Variants in RIMKLA observed in about 807,000 individuals in gnomAD.
RIMKLA encodes the protein ribosomal modification protein rimK like family member A.
Under a neutral mutation model 32.7 loss-of-function variants are expected in RIMKLA, and 14 were observed. The ratio of observed to expected loss-of-function variants is 0.43; its 90% CI spans 0.28 to 0.67. RIMKLA has a LOEUF of 0.67. Ranked by LOEUF, RIMKLA falls within the 30% of genes least tolerant of loss-of-function variation. The pLI is 0.18. For missense variants in RIMKLA, 410 were observed against 519.0 expected (o/e 0.79, Z 2.04); for synonymous variants, 176 against 204.1 (o/e 0.86, Z 1.18).
intron 4 of RIMKLA, chr1:42,412,475 C>A: frequency 2.9e-6 from 1 of 349,338 alleles, no homozygotes; most frequent in Non-Finnish European, 5.6e-6. Flanking sequence ...GCCATGATGC[C>A]AGCTGAGGTT....
At chr1:42,394,251 G>T (rs1643023363) in intron 1 of RIMKLA, among the ~76,000 whole-genome samples, 1 of 152,142 alleles carries the variant, frequency 6.6e-6, no homozygotes, top group Non-Finnish European at 1.5e-5. Context: ...TAATTTTTCT[G>T]CTTGTTTTGT....
intron 1 of RIMKLA, among the ~76,000 whole-genome samples, chr1:42,384,633 T>G (rs926356244): frequency 3.0e-5 from 1 of 32,824 alleles, no homozygotes; most frequent in Non-Finnish European, 6.9e-5. Flanking sequence ...TATGTGTGTG[T>G]GTATATATAT....
At chr1:42,392,372 C>T (rs995348937) in intron 1 of RIMKLA, among the ~76,000 whole-genome samples, 6 of 152,198 alleles carry the variant, frequency 3.9e-5, no homozygotes, top group African/African-American at 1.4e-4. Context: ...GCATTAATAA[C>T]AACTGTGTGT....
At chr1:42,394,998 C>A (rs1487233405) in intron 1 of RIMKLA, among the ~76,000 whole-genome samples, 2 of 152,194 alleles carry the variant, frequency 1.3e-5, no homozygotes, top group African/African-American at 4.8e-5. Flanking sequence ...CTTGGCCTCC[C>A]AAGGTGCTGG....
intron 1 of RIMKLA, among the ~76,000 whole-genome samples, chr1:42,381,519 G>GT (rs549363936): frequency 2.6e-5 from 4 of 152,150 alleles, no homozygotes; most frequent in Admixed American, 1.3e-4. Flanking sequence ...TTTTAAAAAA[G>GT]TTTTTTGGGA....
At chr1:42,385,737 T>TTCCTTC in intron 1 of RIMKLA, among the ~76,000 whole-genome samples, 1 of 90,558 alleles carries the variant, frequency 1.1e-5, no homozygotes, top group African/African-American at 5.6e-5. Context: ...CTTTCTTTCT[T>TTCCTTC]TCTTTCTTTC....
chr1:42,407,637 G>A (rs1165347497), intron 3 of RIMKLA, among the ~76,000 whole-genome samples: 1 of 152,132 alleles, frequency 6.6e-6, no homozygotes, highest in South Asian at 2.1e-4. Flanking sequence ...CTCACCATGT[G>A]CGTGAAGGTT....
At chr1:42,397,423 T>C (rs1643056899) in intron 1 of RIMKLA, among the ~76,000 whole-genome samples, 1 of 152,198 alleles carries the variant, frequency 6.6e-6, no homozygotes, top group Admixed American at 6.5e-5. Context: ...CTGTAGACTG[T>C]GTTTTAAAGG....
chr1:42,409,754 CA>C (rs1643181174), intron 3 of RIMKLA, among the ~76,000 whole-genome samples: 1 of 152,056 alleles, frequency 6.6e-6, no homozygotes, highest in Admixed American at 6.6e-5. Context: ...TAAGTCATTT[CA>C]AAAAGAGTGA....
intron 3 of RIMKLA, among the ~76,000 whole-genome samples, chr1:42,407,208 A>G (rs908453686): frequency 2.0e-5 from 3 of 152,202 alleles, no homozygotes; most frequent in African/African-American, 7.2e-5. Flanking sequence ...ACCCAGCCGT[A>G]TAATGTAGAT....
chr1:42,405,950 C>T lies in RIMKLA; in HGVS notation c.481+1353C>T, dbSNP rs558266313. Among the ~76,000 whole-genome samples, 9 of 152,220 alleles carry T rather than the reference C, an allele frequency of 5.9e-5. 1 individual carries two copies. The highest frequency in any genetic ancestry group is 2.2e-4 in the African/African-American group (9 of 41,526). ...TCGTGTTGAGGAGCAGAGAAAGGAG[C>T]CTGGGTGGCAAAGTGGGACTCTTAG... On this transcript the variant is annotated intron_variant, in intron 3 of 4. Coordinates refer to ENST00000431473, the MANE Select transcript of RIMKLA (RefSeq NM_173642.4).
chr1:42,381,637 T>C (rs1227772257), intron 1 of RIMKLA, among the ~76,000 whole-genome samples: 2 of 152,122 alleles, frequency 1.3e-5, no homozygotes, highest in Admixed American at 1.3e-4. Flanking sequence ...GAGTGTAAAG[T>C]GGGAGTGTAG....
At chr1:42,400,712 G>A (rs1427510291) in intron 2 of RIMKLA, among the ~76,000 whole-genome samples, 1 of 152,144 alleles carries the variant, frequency 6.6e-6, no homozygotes, top group Non-Finnish European at 1.5e-5. Flanking sequence ...TTTGGGACAT[G>A]ATCTGTTTGA....
intron 2 of RIMKLA, 42 bp from the exon 3 acceptor site, chr1:42,404,469 C>G: frequency 1.5e-6 from 2 of 1,374,048 alleles, no homozygotes; most frequent in South Asian, 2.3e-5. Flanking sequence ...CGCTACCTGA[C>G]TATCAGCCTT....
chr1:42,384,549 A>ATG (rs754268347), intron 1 of RIMKLA, among the ~76,000 whole-genome samples: 22 of 145,196 alleles, frequency 1.5e-4, no homozygotes, highest in Non-Finnish European at 2.7e-4. Flanking sequence ...ATGTATATAT[A>ATG]TGTGTGTATA....
At chr1:42,402,886 C>G (rs967046063) in intron 2 of RIMKLA, among the ~76,000 whole-genome samples, 8 of 152,168 alleles carry the variant, frequency 5.3e-5, no homozygotes, top group Admixed American at 2.6e-4. Context: ...GCCACCACAC[C>G]TGGTCTTGGC....
chr1:42,402,136 G>C (rs897379274), intron 2 of RIMKLA, among the ~76,000 whole-genome samples: 1 of 152,100 alleles, frequency 6.6e-6, no homozygotes, highest in Non-Finnish European at 1.5e-5. Context: ...TAGCACTCTT[G>C]TGAACTAGAC....
intron 1 of RIMKLA, among the ~76,000 whole-genome samples, chr1:42,392,584 G>T (rs1643008198): frequency 1.3e-5 from 2 of 152,052 alleles, no homozygotes; most frequent in African/African-American, 4.8e-5. Flanking sequence ...ATCCCACGTT[G>T]CCCACACATG....
intron 1 of RIMKLA, among the ~76,000 whole-genome samples, chr1:42,395,624 C>A (rs377127424): frequency 1.3e-5 from 2 of 152,134 alleles, no homozygotes; most frequent in African/African-American, 2.4e-5. Flanking sequence ...ATCAGCTCTT[C>A]GTTCCCTTGA....
Sources: allele counts gnomAD v4.1 joint callset (sites outside exome capture counted in the v4.1 genomes callset), GRCh38; gene constraint gnomAD v4.1.1; transcripts MANE v1.5; gene names NCBI Gene and HGNC (gene_info 2026-07-23, HGNC 2026-07-21).